Variants in SGCD observed in about 807,000 individuals in gnomAD.
SGCD encodes the protein sarcoglycan delta.
Under a neutral mutation model 36.6 loss-of-function variants are expected in SGCD, and 18 were observed. The observed-to-expected ratio is 0.49, with a 90% confidence interval of 0.34 to 0.73. SGCD has a LOEUF of 0.73. Ranked by LOEUF, SGCD falls within the 30% of genes least tolerant of loss-of-function variation. SGCD has a pLI of 0.01. For missense variants in SGCD, 387 were observed against 346.7 expected, an observed-to-expected ratio of 1.12 and a Z score of -0.92; for synonymous variants, 133 against 130.6, an observed-to-expected ratio of 1.02 and a Z score of -0.12.
intron 1 of SGCD, among the ~76,000 whole-genome samples, chr5:155,889,851 G>A (rs528011621): frequency 1.3e-5 from 2 of 152,270 alleles, no homozygotes; most frequent in South Asian, 2.1e-4. Context: ...GTGGGCACCC[G>A]CCCTATTCCT....
intron 4 of SGCD, among the ~76,000 whole-genome samples, chr5:156,533,764 C>T (rs1396987527): frequency 1.3e-5 from 2 of 152,146 alleles, no homozygotes; most frequent in African/African-American, 2.4e-5. Flanking sequence ...GGACCTCCAT[C>T]GGAGAAAGGA....
At chr5:156,237,540 G>A (rs755653938) in intron 3 of SGCD, among the ~76,000 whole-genome samples, 2 of 152,084 alleles carry the variant, frequency 1.3e-5, no homozygotes, top group Non-Finnish European at 2.9e-5. Flanking sequence ...TGGATGAATC[G>A]GTTGAAACCA....
At chr5:156,446,813 T>A (rs77878432) in intron 3 of SGCD, among the ~76,000 whole-genome samples, 1,911 of 152,302 alleles carry the variant, frequency 0.013, 27 homozygotes, top group African/African-American at 0.042. Flanking sequence ...CTCCTCACAC[T>A]AGAGCTCAGC....
At chr5:156,644,388 T>C (rs1763152884) in intron 6 of SGCD, among the ~76,000 whole-genome samples, 1 of 152,122 alleles carries the variant, frequency 6.6e-6, no homozygotes, top group Non-Finnish European at 1.5e-5. Context: ...CTCAGGTCAG[T>C]CTTTGGAGTT....
In SGCD at chr5:156,763,149, A is replaced by T. The variant is rs1032677363; in HGVS notation, c.*3759A>T. 1.4e-5 allele frequency: 2 copies of T among 140,180 alleles called. No homozygotes were observed. Among genetic ancestry groups the T allele is most frequent in the Admixed American group, 1.3e-4 (2 of 14,962 alleles). The allele number at this position is 140,180 out of a possible 1,614,324, so 8.7% of individuals were successfully genotyped here. ...ATACCAGGTTCTGCAGGTCAGCATC[A>T]TTGTGTAATGAGAGTGAAGTAGGGG... On this transcript the variant is annotated 3_prime_UTR_variant, in exon 9 of 9. Transcript: ENST00000337851.
intron 1 of SGCD, among the ~76,000 whole-genome samples, chr5:155,884,596 T>G (rs1221651446): frequency 6.6e-6 from 1 of 152,228 alleles, no homozygotes; most frequent in Non-Finnish European, 1.5e-5. Flanking sequence ...CTTGATCTTG[T>G]CTCATTGCTT....
intron 1 of SGCD, among the ~76,000 whole-genome samples, chr5:155,958,347 T>C (rs571249999): frequency 1.3e-5 from 2 of 152,180 alleles, no homozygotes; most frequent in South Asian, 4.1e-4. Flanking sequence ...TTATCTCCAC[T>C]GGACAGATGA....
chr5:155,812,111 C>T, the SGCD span, among the ~76,000 whole-genome samples: 1 of 152,258 alleles, frequency 6.6e-6, no homozygotes, highest in South Asian at 2.1e-4. Context: ...GCTAGACAAC[C>T]GGTTAGACCA....
chr5:156,493,243 G>A (rs1163118055), intron 3 of SGCD, among the ~76,000 whole-genome samples: 1 of 152,118 alleles, frequency 6.6e-6, no homozygotes, highest in East Asian at 1.9e-4. Context: ...CAGACACTTA[G>A]TTTTAAGGGT....
intron 1 of SGCD, among the ~76,000 whole-genome samples, chr5:156,081,646 GC>G: frequency 6.6e-6 from 1 of 152,022 alleles, no homozygotes; most frequent in South Asian, 2.1e-4. Flanking sequence ...TCCTGCCTTA[GC>G]CCCCACAAAG....
At chr5:156,612,231 C>T (rs144621770) in intron 6 of SGCD, among the ~76,000 whole-genome samples, 2 of 152,132 alleles carry the variant, frequency 1.3e-5, no homozygotes, top group Admixed American at 1.3e-4. Context: ...AAGGGAGAGA[C>T]ATTTTCCTGT....
intron 3 of SGCD, among the ~76,000 whole-genome samples, chr5:156,434,656 T>A (rs1753168259): frequency 6.6e-6 from 1 of 152,150 alleles, no homozygotes; most frequent in Non-Finnish European, 1.5e-5. Context: ...ACTGGGAATG[T>A]GATGATGGCC....
intron 1 of SGCD, among the ~76,000 whole-genome samples, chr5:155,875,668 T>G (rs866209394): frequency 6.6e-6 from 1 of 151,858 alleles, no homozygotes; most frequent in African/African-American, 2.4e-5. Context: ...TTAGTTGTTA[T>G]GGTATTTTTA....
intron 3 of SGCD, among the ~76,000 whole-genome samples, chr5:156,295,962 A>G (rs1766882464): frequency 6.6e-6 from 1 of 152,190 alleles, no homozygotes; most frequent in East Asian, 1.9e-4. Context: ...GCCAGTGGGA[A>G]AAGGGAGCCT....
chr5:156,653,493 C>CTTTTTTTTTTTTTTTTTTT (rs111458843), intron 7 of SGCD, among the ~76,000 whole-genome samples: 1,193 of 47,962 alleles, frequency 0.025, 424 homozygotes, highest in East Asian at 0.044. Context: ...CTAAAGCTTG[C>CTTTTTTTTTTTTTTTTTTT]TTTTTTTTTT....
At chr5:156,710,358 A>G (rs1056973120) in intron 7 of SGCD, among the ~76,000 whole-genome samples, 1 of 152,184 alleles carries the variant, frequency 6.6e-6, no homozygotes, top group Non-Finnish European at 1.5e-5. Context: ...AGGTACTTTG[A>G]AAAATACTTC....
At chr5:156,147,665 A>G (rs1292701016) in intron 3 of SGCD, among the ~76,000 whole-genome samples, 1 of 152,250 alleles carries the variant, frequency 6.6e-6, no homozygotes, top group East Asian at 1.9e-4. Flanking sequence ...ATTAGAGATG[A>G]GAATGCAGGA....
intron 3 of SGCD, among the ~76,000 whole-genome samples, chr5:156,124,607 C>T (rs1226440556): frequency 2.6e-5 from 4 of 152,000 alleles, no homozygotes; most frequent in African/African-American, 4.8e-5. Flanking sequence ...TATGCATTTG[C>T]GTGCATATAA....
intron 3 of SGCD, among the ~76,000 whole-genome samples, chr5:156,440,647 C>T (rs1753445927): frequency 6.6e-6 from 1 of 152,044 alleles, no homozygotes; most frequent in Admixed American, 6.6e-5. Flanking sequence ...TTTATTATTG[C>T]CATCCTAGTG....
Sources: allele counts gnomAD v4.1 joint callset (sites outside exome capture counted in the v4.1 genomes callset), GRCh38; gene constraint gnomAD v4.1.1; transcripts MANE v1.5; gene names NCBI Gene and HGNC (gene_info 2026-07-23, HGNC 2026-07-21).